Variants in RAB6B observed in about 807,000 individuals in gnomAD.
The protein encoded by RAB6B is RAB6B, member RAS oncogene family, also known as ras-related protein Rab-6B.
Under a neutral mutation model 31.2 loss-of-function variants are expected in RAB6B, and 7 were observed. The observed-to-expected ratio is 0.22, with a 90% CI of 0.13 to 0.42. RAB6B has a LOEUF of 0.42. RAB6B is among the 10% of genes least tolerant of loss of function. The probability of loss-of-function intolerance (pLI) is 1.00; values close to 1 mark genes in which losing one functional copy is unlikely to be tolerated. For synonymous variants in RAB6B, 105 were observed against 104.9 expected (o/e 1.00, Z -0.01); for missense variants, 149 against 280.6 (o/e 0.53, Z 3.35).
intron 2 of RAB6B, among the ~76,000 whole-genome samples, chr3:133,860,491 A>G (rs1936145259): frequency 1.3e-5 from 2 of 152,210 alleles, no homozygotes; most frequent in African/African-American, 2.4e-5. Flanking sequence ...CCAGAACAGT[A>G]AGAAAATAAA....
At chr3:133,852,357 T>C (rs1378124219) in intron 2 of RAB6B, among the ~76,000 whole-genome samples, 1 of 152,162 alleles carries the variant, frequency 6.6e-6, no homozygotes, top group Non-Finnish European at 1.5e-5. Flanking sequence ...TCACAAATCA[T>C]CATGTGAGGA....
At chr3:133,880,637 G>A (rs1159604179) in intron 1 of RAB6B, among the ~76,000 whole-genome samples, 3 of 152,226 alleles carry the variant, frequency 2.0e-5, no homozygotes, top group Non-Finnish European at 4.4e-5. Context: ...AGCTGTCCCT[G>A]CACTTCTGCA....
chr3:133,869,120 G>A (rs529635659), intron 1 of RAB6B, among the ~76,000 whole-genome samples: 1 of 152,190 alleles, frequency 6.6e-6, no homozygotes, highest in African/African-American at 2.4e-5. Context: ...TGGGGGTGAA[G>A]GGGAATTCCA....
In RAB6B at chr3:133,824,980, A is replaced by G. The variant is rs1331940111; in HGVS notation, c.*3808T>C. 1 of 152,176 alleles carries G rather than the reference A, an allele frequency of 6.6e-6. No homozygotes were observed. The highest frequency in any genetic ancestry group is 1.5e-5 in the Non-Finnish European group (1 of 68,024). 9.4% of individuals were successfully genotyped at this position (152,176 alleles called of 1,614,324 possible). ...CATCCTGGTTTTCCTGCCTGTAGAC[A>G]GGAAAAGTTGTGACAGCTCTGCTTC... On this transcript the variant is annotated 3_prime_UTR_variant, in exon 8 of 8. Coordinates refer to ENST00000285208, the MANE Select transcript of RAB6B (RefSeq NM_016577.4).
intron 1 of RAB6B, among the ~76,000 whole-genome samples, chr3:133,865,701 T>C (rs987455780): frequency 2.0e-5 from 3 of 152,180 alleles, no homozygotes; most frequent in Non-Finnish European, 4.4e-5. Context: ...CACCCTCCCA[T>C]TTCCCAGGCT....
chr3:133,828,259 A>G lies in RAB6B; in HGVS notation c.*529T>C. 1 of 489,142 alleles carries G rather than the reference A, an allele frequency of 2.0e-6. No individual in the cohort carries two copies. Among genetic ancestry groups the G allele is most frequent in the Non-Finnish European group, 3.7e-6 (1 of 271,526 alleles). 30.3% of individuals were successfully genotyped at this position (489,142 alleles called of 1,614,324 possible). ...TTCAACCAATGTTTGATTTAACTGG[A>G]GTAGGGCCTAGAGAGTGGGGCCAGA... On this transcript the variant is annotated 3_prime_UTR_variant, in exon 8 of 8. Transcript: ENST00000285208.
At position 133,841,459 on chromosome 3, in the gene RAB6B, G is replaced by T. The variant is rs551680654; in HGVS notation, c.184-69C>A. The T allele has an allele frequency of 5.1e-6, 8 of 1,567,588 alleles. No individual in the cohort carries two copies. In the South Asian group the frequency reaches 5.6e-5, roughly 11 times the overall value. On this transcript the variant is annotated intron_variant, in intron 3 of 7. Transcript: ENST00000285208. Reference sequence around the variant, plus strand: ...GCAGTGAGGTCCTCCTGGTCCGGGGGACTGGGAGAGCCGGGCTCTGCAATG... The same window carrying T: ...GCAGTGAGGTCCTCCTGGTCCGGGGTACTGGGAGAGCCGGGCTCTGCAATG...
intron 7 of RAB6B, among the ~76,000 whole-genome samples, chr3:133,832,193 T>C (rs1231392127): frequency 1.3e-5 from 2 of 152,136 alleles, no homozygotes; most frequent in African/African-American, 4.8e-5. Context: ...ATACTGTATT[T>C]GGGTAGAAAG....
intron 2 of RAB6B, among the ~76,000 whole-genome samples, chr3:133,846,630 T>C (rs1248058040): frequency 1.3e-5 from 2 of 152,154 alleles, no homozygotes; most frequent in Non-Finnish European, 2.9e-5. Context: ...AACCAAGGTA[T>C]GTCATAGTCA....
intron 2 of RAB6B, among the ~76,000 whole-genome samples, chr3:133,850,992 T>C (rs1405268723): frequency 1.4e-5 from 2 of 140,308 alleles, no homozygotes; most frequent in African/African-American, 5.3e-5. Context: ...TAGAAAACAC[T>C]GGAATGACAC....
chr3:133,841,256 C>A (rs761422316), intron 4 of RAB6B, 29 bp downstream of exon 4: 1 of 1,612,066 alleles, frequency 6.2e-7, no homozygotes, highest in South Asian at 1.1e-5. Context: ...CTATGAGCCA[C>A]CCTCCCTTAG....
At chr3:133,838,053 G>A in intron 6 of RAB6B, 113 bp downstream of exon 6, 1 of 1,122,156 alleles carries the variant, frequency 8.9e-7, no homozygotes, top group Non-Finnish European at 1.3e-6. Context: ...CTGGTTGGCT[G>A]CCCCAATCCC....
chr3:133,895,540 G>T lies in RAB6B; in HGVS notation c.-74C>A. The T allele has an allele frequency of 6.7e-7, 1 of 1,493,774 alleles. No individual in the cohort carries two copies. Among genetic ancestry groups the T allele is most frequent in the East Asian group, 2.3e-5 (1 of 42,884 alleles). 92.5% of individuals were successfully genotyped at this position (1,493,774 alleles called of 1,614,324 possible). A position where few individuals can be genotyped will look rare whatever the true frequency, so the allele number is the denominator to read the frequency against. ...AGCAGGGAGGGGAGAGTAGGAGGGC[G>T]AGGGGAGGCGGCCGGCGGTGCGGGA... On this transcript the variant is annotated 5_prime_UTR_variant, in exon 1 of 8. Coordinates refer to ENST00000285208, the MANE Select transcript of RAB6B (RefSeq NM_016577.4).
chr3:133,849,329 G>C (rs1935946966), intron 2 of RAB6B, among the ~76,000 whole-genome samples: 1 of 152,208 alleles, frequency 6.6e-6, no homozygotes, highest in Non-Finnish European at 1.5e-5. Context: ...TCAGGAGTTT[G>C]TTAAACATGT....
chr3:133,875,911 G>A (rs1237457339), intron 1 of RAB6B, among the ~76,000 whole-genome samples: 2 of 152,210 alleles, frequency 1.3e-5, no homozygotes, highest in Non-Finnish European at 2.9e-5. Flanking sequence ...GCACTCGTGT[G>A]GAGGGAGAGG....
At chr3:133,838,134 C>A (rs1349233467) in intron 6 of RAB6B, 32 bp downstream of exon 6, 3 of 1,574,732 alleles carry the variant, frequency 1.9e-6, no homozygotes, top group Non-Finnish European at 2.6e-6. Flanking sequence ...TGCCGGGCCC[C>A]GTGCCGGGCC....
intron 6 of RAB6B, among the ~76,000 whole-genome samples, chr3:133,836,618 C>T (rs192534065): frequency 4.7e-3 from 713 of 152,276 alleles, no homozygotes; most frequent in Non-Finnish European, 6.9e-3. Context: ...GCAGATGCTA[C>T]CTGCCCTATG....
intron 1 of RAB6B, among the ~76,000 whole-genome samples, chr3:133,865,984 T>A (rs1936232380): frequency 2.0e-5 from 3 of 152,188 alleles, no homozygotes; most frequent in Admixed American, 2.0e-4. Flanking sequence ...TGGATTGAAA[T>A]CCTATTGGGG....
intron 2 of RAB6B, among the ~76,000 whole-genome samples, chr3:133,843,024 G>A (rs1005028735): frequency 6.6e-6 from 1 of 152,244 alleles, no homozygotes; most frequent in Non-Finnish European, 1.5e-5. Flanking sequence ...ATGCACCAAT[G>A]TGTGTGCACA....
Sources: allele counts gnomAD v4.1 joint callset (sites outside exome capture counted in the v4.1 genomes callset), GRCh38; gene constraint gnomAD v4.1.1; transcripts MANE v1.5; gene names NCBI Gene and HGNC (gene_info 2026-07-23, HGNC 2026-07-21).